The following AKT3 variants were observed in gnomAD, a reference collection of about 807,000 sequenced individuals.
AKT3 encodes the protein RAC-gamma serine/threonine-protein kinase.
A neutral mutation model predicts 65.3 loss-of-function variants in AKT3; 15 were observed. That is an observed-to-expected ratio of 0.23 (90% confidence interval 0.15 to 0.35). The LOEUF (loss-of-function observed/expected upper bound fraction) is 0.35. Ranked by LOEUF, AKT3 falls within the 10% of genes least tolerant of loss-of-function variation. The pLI, the probability that AKT3 is intolerant of heterozygous loss-of-function variation, is 1.00. For missense variants in AKT3, 243 were observed against 576.5 expected (o/e 0.42, Z 5.92); for synonymous variants, 206 against 183.8 (o/e 1.12, Z -0.98).
At chr1:243,810,403 T>C (rs569445531) in intron 2 of AKT3, among the ~76,000 whole-genome samples, 66 of 152,212 alleles carry the variant, frequency 4.3e-4, no homozygotes, top group African/African-American at 1.5e-3. Context: ...AACACCTCTA[T>C]GCAAATAAAC....
chr1:243,765,371 T>C (rs1689753564), intron 2 of AKT3, among the ~76,000 whole-genome samples: 1 of 152,116 alleles, frequency 6.6e-6, no homozygotes, highest in African/African-American at 2.4e-5. Context: ...TACTGTTTGA[T>C]TTTGAACCGC....
intron 12 of AKT3, among the ~76,000 whole-genome samples, chr1:243,520,695 T>C (rs1289661912): frequency 6.6e-6 from 1 of 152,220 alleles, no homozygotes; most frequent in Non-Finnish European, 1.5e-5. Context: ...GAAAACCAAT[T>C]TGCTTTCAGA....
rs1399055053 is a variant in AKT3, at chr1:243,645,888, T to G, written c.429+5A>C. ...CTGTGCTGGGAATAAGTTATTATTT[T>G]CTACCTTTCTTTTATGATGGGTTGT... On this transcript the variant is annotated splice_donor_5th_base_variant and intron_variant, in intron 5 of 13. Coordinates refer to ENST00000673466, the MANE Select transcript of AKT3 (RefSeq NM_005465.7). 1 of 1,603,394 alleles carries G rather than the reference T, an allele frequency of 6.2e-7. No individual in the cohort carries two copies. The highest frequency in any genetic ancestry group is 8.5e-7 in the Non-Finnish European group (1 of 1,175,142).
intron 2 of AKT3, among the ~76,000 whole-genome samples, chr1:243,818,915 A>G (rs974893750): frequency 7.9e-5 from 12 of 152,158 alleles, no homozygotes; most frequent in African/African-American, 2.4e-4. Context: ...GGGAGCCACA[A>G]TGGAGAAAGG....
intron 2 of AKT3, among the ~76,000 whole-genome samples, chr1:243,726,285 G>A (rs148022258): frequency 3.5e-4 from 53 of 151,868 alleles, no homozygotes; most frequent in African/African-American, 1.1e-3. Flanking sequence ...ATTAAAGGAT[G>A]TATAAGTAAA....
At chr1:243,673,180 G>T (rs545454372) in intron 3 of AKT3, among the ~76,000 whole-genome samples, 3 of 152,124 alleles carry the variant, frequency 2.0e-5, no homozygotes, top group Non-Finnish European at 4.4e-5. Context: ...AATTCAAATT[G>T]TTGTGTGGGC....
chr1:243,590,754 A>G (rs1011002038), intron 8 of AKT3, among the ~76,000 whole-genome samples: 6 of 151,720 alleles, frequency 4.0e-5, no homozygotes, highest in African/African-American at 7.3e-5. Flanking sequence ...TACAACTGGG[A>G]AAAAAAAGCC....
chr1:243,614,911 T>C (rs1219954796), intron 7 of AKT3, among the ~76,000 whole-genome samples, 185 bp downstream of exon 7: 2 of 152,134 alleles, frequency 1.3e-5, no homozygotes, highest in Non-Finnish European at 2.9e-5. Context: ...TGGGAGGAAT[T>C]ATCAATGCAT....
chr1:243,819,184 AC>A (rs1287052881), intron 2 of AKT3, among the ~76,000 whole-genome samples: 2 of 152,330 alleles, frequency 1.3e-5, no homozygotes, highest in Admixed American at 6.5e-5. Flanking sequence ...GCTGTCCAAG[AC>A]GACTAAGCTC....
chr1:243,626,273 A>G (rs1679153889), intron 6 of AKT3, among the ~76,000 whole-genome samples: 1 of 152,192 alleles, frequency 6.6e-6, no homozygotes, highest in African/African-American at 2.4e-5. Context: ...CAGATAGTCA[A>G]CGAAGTCCCA....
chr1:243,711,597 T>C (rs1686162825), intron 2 of AKT3, among the ~76,000 whole-genome samples: 1 of 152,172 alleles, frequency 6.6e-6, no homozygotes. Context: ...AATACTCCAA[T>C]TGTAATAGCT....
intron 4 of AKT3, among the ~76,000 whole-genome samples, chr1:243,652,331 A>G (rs928708909): frequency 6.6e-6 from 1 of 152,048 alleles, no homozygotes; most frequent in Non-Finnish European, 1.5e-5. Flanking sequence ...ATTACAGGCA[A>G]GAAAAGAATT....
chr1:243,811,543 C>T (rs1048219745), intron 2 of AKT3, among the ~76,000 whole-genome samples: 1 of 152,180 alleles, frequency 6.6e-6, no homozygotes, highest in African/African-American at 2.4e-5. Flanking sequence ...AATGGAAGAA[C>T]ATTCCATGCT....
chr1:243,838,054 ATTG>A (rs1196413768), intron 2 of AKT3, among the ~76,000 whole-genome samples: 4 of 138,246 alleles, frequency 2.9e-5, no homozygotes, highest in Admixed American at 2.7e-4. Flanking sequence ...ATAAAACTTG[ATTG>A]TTGATTGAGA....
At chr1:243,563,242 A>G (rs926342013) in intron 10 of AKT3, among the ~76,000 whole-genome samples, 2 of 152,176 alleles carry the variant, frequency 1.3e-5, no homozygotes, top group African/African-American at 4.8e-5. Context: ...GGAAGTTACC[A>G]GTTTGGAGCT....
chr1:243,532,807 T>C (rs1671634059), intron 12 of AKT3, among the ~76,000 whole-genome samples: 1 of 152,140 alleles, frequency 6.6e-6, no homozygotes, highest in East Asian at 1.9e-4. Context: ...AGGTTTGCGA[T>C]TAGTGATTTT....
rs115821750 is a variant in AKT3, at chr1:243,556,899, T to C, written c.949-3956A>G. ...TTTCAATACATAAGATTATAAATTCTACAGTTGCTTGGTATTTTCTTCATA... is the reference window on the plus strand; with the variant it reads ...TTTCAATACATAAGATTATAAATTCCACAGTTGCTTGGTATTTTCTTCATA... On this transcript the variant is annotated intron_variant, in intron 10 of 13. Coordinates refer to ENST00000673466, the MANE Select transcript of AKT3 (RefSeq NM_005465.7). 9.3e-3 allele frequency among the ~76,000 whole-genome samples: 1,419 copies of C among 152,298 alleles called. 10 individuals are homozygous for C. Among genetic ancestry groups the C allele is most frequent in the Non-Finnish European group, 0.016 (1,100 of 68,008 alleles).
chr1:243,777,305 A>G (rs964776952), intron 2 of AKT3, among the ~76,000 whole-genome samples: 1 of 152,186 alleles, frequency 6.6e-6, no homozygotes, highest in Non-Finnish European at 1.5e-5. Flanking sequence ...CACCACAGCT[A>G]ATCTGACAAG....
intron 8 of AKT3, among the ~76,000 whole-genome samples, chr1:243,601,337 AAAG>A (rs1676986915): frequency 6.6e-6 from 1 of 152,156 alleles, no homozygotes; most frequent in Non-Finnish European, 1.5e-5. Context: ...CAGAATAAGA[AAAG>A]AAGTTCAATA....
Sources: gnomAD v4.1 joint callset for allele counts (sites outside exome capture counted in the v4.1 genomes callset) on GRCh38, gnomAD v4.1.1 for gene constraint, MANE v1.5 for transcripts, NCBI Gene and HGNC (gene_info 2026-07-23, HGNC 2026-07-21) for gene names.